The following KANK1 variants were observed in gnomAD, a reference collection of about 807,000 sequenced individuals.
The protein encoded by KANK1 is KN motif and ankyrin repeat domains 1, also known as KN motif and ankyrin repeat domain-containing protein 1.
In KANK1, 109 loss-of-function variants were observed where a neutral mutation model predicts 106.2. That is an observed-to-expected ratio of 1.03 (90% CI 0.88 to 1.20). The LOEUF is 1.20. Among genes scored for constraint, KANK1 ranks in the 50% most tolerant of loss-of-function variants. KANK1 has a pLI of 0.00. For missense variants in KANK1, 2,399 were observed against 1,710.7 expected (o/e 1.40, Z -7.10); for synonymous variants, 873 against 652.2 (o/e 1.34, Z -5.16).
Position 630,456 on chromosome 9 carries a change from C to T in KANK1, c.-83-46434C>T, listed in dbSNP as rs531592043. On this transcript the variant is annotated intron_variant, in intron 1 of 11. Transcript: ENST00000382297. ...GTCCCAGCTACTCGGGAGGCTGAGG[C>T]GGGAGAATGGCGTAAACCCGGGAGG... Among the ~76,000 whole-genome samples the T allele has an allele frequency of 2.6e-5, 4 of 151,196 alleles. No homozygotes were observed. In the South Asian group the frequency reaches 8.4e-4, roughly 32 times the overall value.
At chr9:485,989 C>A (rs2058288099) in intron 3 of KANK1, among the ~76,000 whole-genome samples, 1 of 152,092 alleles carries the variant, frequency 6.6e-6, no homozygotes, top group Non-Finnish European at 1.5e-5. Flanking sequence ...CCCTAGACTT[C>A]TTCAGTTCCA....
chr9:580,241 G>C (rs1821707922), intron 1 of KANK1, among the ~76,000 whole-genome samples: 1 of 152,140 alleles, frequency 6.6e-6, no homozygotes, highest in African/African-American at 2.4e-5. Context: ...CCTCCCGGTG[G>C]GTTCGTGGTC....
In KANK1 at chr9:711,933, C is replaced by G; in HGVS notation, c.1167C>G (p.Ser389=). 6.2e-7 allele frequency: 1 copy of G among 1,614,194 alleles called. No homozygotes were observed. The highest frequency in any genetic ancestry group is 1.3e-5 in the African/African-American group (1 of 75,044). The change falls in exon 3 of 12, where the codon TCC becomes TCG. Residue 389 remains serine (S), a synonymous_variant. Transcript: ENST00000382297. ...QKIQDSSCEA[S]SELRENGECR... ...TCCAGGACAGCAGCTGTGAGGCCTCCTCAGAGCTCAGGGAGAATGGAGAGT... is the reference window on the plus strand; with the variant it reads ...TCCAGGACAGCAGCTGTGAGGCCTCGTCAGAGCTCAGGGAGAATGGAGAGT...
chr9:555,510 A>T (rs10113890), intron 1 of KANK1, among the ~76,000 whole-genome samples: 11,140 of 152,290 alleles, frequency 0.073, 1,109 homozygotes, highest in East Asian at 0.22. Context: ...CAATTAGGTA[A>T]AATACTATAG....
At chr9:687,603 C>T (rs1166037320) in intron 2 of KANK1, among the ~76,000 whole-genome samples, 3 of 152,016 alleles carry the variant, frequency 2.0e-5, no homozygotes, top group Non-Finnish European at 4.4e-5. Flanking sequence ...CCCAGCCCCA[C>T]CCTGCCCTGT....
At chr9:594,922 CAG>C (rs1825845640) in intron 1 of KANK1, among the ~76,000 whole-genome samples, 1 of 151,572 alleles carries the variant, frequency 6.6e-6, no homozygotes, top group African/African-American at 2.4e-5. Flanking sequence ...TTATTACAAT[CAG>C]AGGAATTAAA....
chr9:744,939 CCACAGTT>C lies in KANK1; in HGVS notation c.3997-230_3997-224del, dbSNP rs1335199248. ...AAGCAGATGGCAGGCAGCCTGTAGT[CCACAGTT>C]CACTCTGAGTGGGAAGGTGACTTCC... is the stretch of plus-strand genomic sequence containing the variant. On this transcript the variant is annotated intron_variant, in intron 11 of 11. Transcript: ENST00000382297. The C allele has an allele frequency of 2.1e-6, 3 of 1,440,336 alleles. No homozygotes were observed. The African/African-American group carries it at 4.3e-5, about 21-fold the overall frequency. 89.2% of individuals were successfully genotyped at this position (1,440,336 alleles called of 1,614,324 possible).
intron 1 of KANK1, among the ~76,000 whole-genome samples, chr9:513,985 C>T (rs2059146822): frequency 6.6e-6 from 1 of 151,452 alleles, no homozygotes; most frequent in Non-Finnish European, 1.5e-5. Flanking sequence ...CCGCTGCATT[C>T]CAGCCTGGGT....
At chr9:540,309 A>G (rs1002766047) in intron 1 of KANK1, among the ~76,000 whole-genome samples, 4 of 152,166 alleles carry the variant, frequency 2.6e-5, no homozygotes, top group African/African-American at 9.7e-5. Flanking sequence ...TTTATCCTCG[A>G]TTTTGTTAAC....
intron 1 of KANK1, among the ~76,000 whole-genome samples, chr9:511,810 T>TC: frequency 6.6e-6 from 1 of 152,258 alleles, no homozygotes; most frequent in African/African-American, 2.4e-5. Context: ...CTGTTTCTGT[T>TC]TTTAGTTCTT....
intron 2 of KANK1, among the ~76,000 whole-genome samples, chr9:694,092 T>G (rs971723633): frequency 6.6e-6 from 1 of 152,192 alleles, no homozygotes; most frequent in Non-Finnish European, 1.5e-5. Context: ...AAATCCATCT[T>G]TGGGTATTTG....
chr9:542,711 C>G (rs1294896588), intron 1 of KANK1, among the ~76,000 whole-genome samples: 4 of 152,172 alleles, frequency 2.6e-5, no homozygotes, highest in African/African-American at 9.7e-5. Context: ...CACTGGAATA[C>G]TCTTCACCCT....
chr9:630,891 G>GAGCTCCTTGGGAGGC, intron 1 of KANK1, among the ~76,000 whole-genome samples: 1 of 152,154 alleles, frequency 6.6e-6, no homozygotes, highest in African/African-American at 2.4e-5. Flanking sequence ...GGATGTAGAG[G>GAGCTCCTTGGGAGGC]TTGTAATGAG....
chr9:564,350 C>A (rs1414097875), intron 1 of KANK1, among the ~76,000 whole-genome samples: 1 of 152,164 alleles, frequency 6.6e-6, no homozygotes, highest in African/African-American at 2.4e-5. Flanking sequence ...GAGGGAGCCA[C>A]CGTGCCCGGC....
At chr9:574,506 A>G (rs1213402047) in intron 1 of KANK1, among the ~76,000 whole-genome samples, 1 of 147,276 alleles carries the variant, frequency 6.8e-6, no homozygotes, top group Non-Finnish European at 1.5e-5. Flanking sequence ...TGAAATGAGC[A>G]GCTGTACCAC....
chr9:727,679 CATGT>C lies in KANK1; in HGVS notation c.2699-2371_2699-2368del, dbSNP rs764018199. ...TTTAGCACAGAGTCAGATAACTTTT[CATGT>C]GTGTGTGTGTGTGTGTGTGTGTGTG... is the stretch of plus-strand genomic sequence containing the variant. On this transcript the variant is annotated intron_variant, in intron 3 of 11. Transcript: ENST00000382297. Among the ~76,000 whole-genome samples, 667 of 121,902 alleles carry C rather than the reference CATGT, an allele frequency of 5.5e-3. 5 individuals are homozygous for C. The highest frequency in any genetic ancestry group is 0.022 in the African/African-American group (574 of 25,902). 80.0% of individuals were successfully genotyped at this position (121,902 alleles called of 152,430 possible).
intron 3 of KANK1, among the ~76,000 whole-genome samples, chr9:721,507 G>C (rs1431339311): frequency 6.6e-6 from 1 of 152,130 alleles, no homozygotes; most frequent in Non-Finnish European, 1.5e-5. Flanking sequence ...AACTTATTTT[G>C]GAAATAAATT....
intron 1 of KANK1, among the ~76,000 whole-genome samples, chr9:578,050 C>T (rs960076189): frequency 6.6e-6 from 1 of 152,108 alleles, no homozygotes; most frequent in Non-Finnish European, 1.5e-5. Context: ...GATGTGATCA[C>T]TTCCTCCACA....
chr9:527,462 C>T (rs2133388699), intron 1 of KANK1, among the ~76,000 whole-genome samples: 1 of 151,686 alleles, frequency 6.6e-6, no homozygotes, highest in East Asian at 1.9e-4. Context: ...CCAACACACC[C>T]AGCTAATTAT....
Sources: allele counts gnomAD v4.1 joint callset (sites outside exome capture counted in the v4.1 genomes callset), GRCh38; gene constraint gnomAD v4.1.1; transcripts MANE v1.5; gene names NCBI Gene and HGNC (gene_info 2026-07-23, HGNC 2026-07-21).